The following ANKFN1 variants were observed in gnomAD, a reference collection of about 807,000 sequenced individuals.
ANKFN1 encodes ankyrin repeat and fibronectin type III domain containing 1.
ANKFN1 carries 74 observed loss-of-function variants against 108.7 expected under a neutral mutation model. The ratio of observed to expected loss-of-function variants is 0.68; its 90% confidence interval spans 0.56 to 0.83. The LOEUF is 0.83. Among genes scored for constraint, ANKFN1 ranks in the 40% least tolerant of loss-of-function variants. ANKFN1 has a pLI of 0.00. For synonymous variants in ANKFN1, 547 were observed against 516.2 expected (o/e 1.06, Z -0.81); for missense variants, 1,505 against 1,382.3 (o/e 1.09, Z -1.41).
intron 4 of ANKFN1, among the ~76,000 whole-genome samples, chr17:56,114,316 G>A (rs1158929142): frequency 6.6e-6 from 1 of 152,296 alleles, no homozygotes; most frequent in East Asian, 1.9e-4. Flanking sequence ...GGAACAAAGT[G>A]AAGACCAGGT....
At chr17:56,070,828 G>A (rs558685465) in intron 4 of ANKFN1, among the ~76,000 whole-genome samples, 65 of 151,344 alleles carry the variant, frequency 4.3e-4, no homozygotes, top group Admixed American at 5.9e-4. Context: ...TCCACCTCCC[G>A]TGTTCAAGCG....
intron 4 of ANKFN1, among the ~76,000 whole-genome samples, chr17:56,336,183 T>G (rs1484607835): frequency 5.9e-5 from 9 of 152,176 alleles, no homozygotes; most frequent in Non-Finnish European, 1.2e-4. Flanking sequence ...TCTCTTTTTT[T>G]GTTGTGTCTC....
At chr17:56,451,828 T>C (rs1048803547) in intron 11 of ANKFN1, among the ~76,000 whole-genome samples, 1 of 152,330 alleles carries the variant, frequency 6.6e-6, no homozygotes, top group Non-Finnish European at 1.5e-5. Flanking sequence ...GTGTAATTGG[T>C]GACTGTACTG....
intron 8 of ANKFN1, among the ~76,000 whole-genome samples, chr17:56,384,454 A>C (rs1249201419): frequency 6.6e-6 from 1 of 152,218 alleles, no homozygotes; most frequent in African/African-American, 2.4e-5. Flanking sequence ...CCTATTCAAC[A>C]TAGTGTTGGA....
At chr17:56,372,613 G>T in intron 6 of ANKFN1, 33 bp from the exon 7 acceptor site, 1 of 1,574,796 alleles carries the variant, frequency 6.4e-7, no homozygotes, top group Non-Finnish European at 8.6e-7. Flanking sequence ...TCCCCAGAAA[G>T]AAAGAGAAGT....
chr17:56,445,927 C>A (rs953316614), intron 10 of ANKFN1, among the ~76,000 whole-genome samples: 1 of 152,144 alleles, frequency 6.6e-6, no homozygotes, highest in Non-Finnish European at 1.5e-5. Flanking sequence ...TTATGTGACA[C>A]AATCTGCTCT....
chr17:56,152,298 GTGTGTT>G (rs1448640181), upstream of ANKFN1, among the ~76,000 whole-genome samples: 3 of 143,420 alleles, frequency 2.1e-5, no homozygotes, highest in Non-Finnish European at 4.6e-5. Context: ...GTGTGTGTGT[GTGTGTT>G]TAATTTTTCT....
intron 8 of ANKFN1, among the ~76,000 whole-genome samples, chr17:56,391,182 G>A (rs2047413152): frequency 6.9e-6 from 1 of 145,734 alleles, no homozygotes; most frequent in South Asian, 2.2e-4. Flanking sequence ...AATCAAATCT[G>A]AGTCTTTGCA....
At chr17:56,183,548 C>G (rs985497838) in intron 1 of ANKFN1, among the ~76,000 whole-genome samples, 3 of 152,078 alleles carry the variant, frequency 2.0e-5, no homozygotes, top group East Asian at 3.9e-4. Context: ...GGTTAACAGT[C>G]TGGGACCTCC....
chr17:56,238,362 A>T (rs914663062), intron 3 of ANKFN1, among the ~76,000 whole-genome samples: 53 of 152,172 alleles, frequency 3.5e-4, no homozygotes, highest in Admixed American at 1.9e-3. Flanking sequence ...CCTCAAAAAT[A>T]CTGTCAGTGG....
chr17:56,152,254 ATATATATATG>A (rs1324359127), upstream of ANKFN1, among the ~76,000 whole-genome samples: 1 of 78,420 alleles, frequency 1.3e-5, no homozygotes, highest in African/African-American at 4.1e-5. Context: ...AAATATATAT[ATATATATATG>A]TGTGTGTGTG....
At chr17:56,372,603 T>C (rs765387921) in intron 6 of ANKFN1, 43 bp from the exon 7 acceptor site, 1 of 1,550,110 alleles carries the variant, frequency 6.5e-7, no homozygotes. Context: ...AAGCAGCATT[T>C]CCCCAGAAAG....
chr17:56,398,195 A>G (rs1473636119), intron 8 of ANKFN1, among the ~76,000 whole-genome samples: 1 of 152,194 alleles, frequency 6.6e-6, no homozygotes, highest in East Asian at 1.9e-4. Flanking sequence ...CACCGTTACA[A>G]ACCCAATGAG....
intron 2 of ANKFN1, among the ~76,000 whole-genome samples, chr17:56,223,415 AG>A (rs1343672281): frequency 6.6e-6 from 1 of 152,226 alleles, no homozygotes; most frequent in African/African-American, 2.4e-5. Flanking sequence ...ACTGTTAAAA[AG>A]GTATAAAGAA....
intron 1 of ANKFN1, among the ~76,000 whole-genome samples, chr17:56,168,741 A>G (rs919852300): frequency 6.6e-6 from 1 of 152,166 alleles, no homozygotes; most frequent in Non-Finnish European, 1.5e-5. Flanking sequence ...ATATTTCATT[A>G]TTATTATGAG....
intron 19 of ANKFN1, 28 bp downstream of exon 19, chr17:56,492,381 A>G: frequency 1.4e-6 from 1 of 695,198 alleles, no homozygotes; most frequent in Non-Finnish European, 2.6e-6. Flanking sequence ...CTGGGGTAAA[A>G]GGAAGGGAGA....
chr17:56,102,461 A>G (rs1426046083), intron 4 of ANKFN1, among the ~76,000 whole-genome samples: 10 of 152,186 alleles, frequency 6.6e-5, no homozygotes, highest in Admixed American at 6.5e-4. Flanking sequence ...TATTACATAA[A>G]TGGTTAAATG....
intron 1 of ANKFN1, among the ~76,000 whole-genome samples, chr17:56,157,284 AC>A (rs1163185259): frequency 6.6e-6 from 1 of 152,170 alleles, no homozygotes; most frequent in African/African-American, 2.4e-5. Flanking sequence ...GCTATCTAAA[AC>A]AGGTGAGGAG....
intron 15 of ANKFN1, among the ~76,000 whole-genome samples, chr17:56,474,663 T>C (rs1408502299): frequency 6.6e-6 from 1 of 152,186 alleles, no homozygotes; most frequent in Non-Finnish European, 1.5e-5. Context: ...TCTGTTTGTC[T>C]AGCAAGTATC....
Sources: allele counts gnomAD v4.1 joint callset (sites outside exome capture counted in the v4.1 genomes callset), GRCh38; gene constraint gnomAD v4.1.1; transcripts MANE v1.5; gene names NCBI Gene and HGNC (gene_info 2026-07-23, HGNC 2026-07-21).